ETFA: variants seen among roughly 807,000 people sequenced by gnomAD.
The protein encoded by ETFA is electron transfer flavoprotein subunit alpha.
In ETFA, 22 loss-of-function variants were observed where a neutral mutation model predicts 46.2. The observed-to-expected ratio is 0.48, with a 90% CI of 0.34 to 0.68. ETFA has a LOEUF of 0.68. ETFA is among the 30% of genes least tolerant of loss of function. ETFA has a pLI of 0.01. For synonymous variants in ETFA, 131 were observed against 139.9 expected (o/e 0.94, Z 0.45); for missense variants, 345 against 401.1 (o/e 0.86, Z 1.19).
intron 9 of ETFA, among the ~76,000 whole-genome samples, chr15:76,241,194 AG>A (rs2039182903): frequency 6.6e-6 from 1 of 152,136 alleles, no homozygotes; most frequent in East Asian, 1.9e-4. Context: ...GCATTTTAGC[AG>A]GTCAAATAAA....
chr15:76,217,119 A>T (rs1177699648), intron 11 of ETFA, among the ~76,000 whole-genome samples: 2 of 152,004 alleles, frequency 1.3e-5, no homozygotes, highest in Admixed American at 1.3e-4. Context: ...ACACACTGCT[A>T]CCTTTTGGCT....
At chr15:76,226,883 A>G (rs1420944120) in intron 10 of ETFA, among the ~76,000 whole-genome samples, 1 of 152,156 alleles carries the variant, frequency 6.6e-6, no homozygotes, top group Non-Finnish European at 1.5e-5. Context: ...CGTCTCAAAA[A>G]TAAATAAATA....
At position 76,287,837 on chromosome 15, in the gene ETFA, A is replaced by G. The variant is rs2039717079; in HGVS notation, c.451+9T>C. ...ACATGTTGATTAATTATCTTCCTTG[A>G]GTACTCACCTGCATAAATAGTTCTC... is the stretch of plus-strand genomic sequence containing the variant. On this transcript the variant is annotated intron_variant, in intron 5 of 11. Transcript: ENST00000557943. 4 of 1,537,072 alleles carry G rather than the reference A, an allele frequency of 2.6e-6. No individual in the cohort carries two copies. The highest frequency in any genetic ancestry group is 3.6e-6 in the Non-Finnish European group (4 of 1,109,736).
intron 9 of ETFA, among the ~76,000 whole-genome samples, chr15:76,236,347 A>C (rs1241471050): frequency 6.6e-6 from 1 of 152,218 alleles, no homozygotes; most frequent in Non-Finnish European, 1.5e-5. Flanking sequence ...AAACAGGTAA[A>C]ATTAATTTTT....
intron 5 of ETFA, 53 bp from the exon 6 acceptor site, chr15:76,286,534 G>T: frequency 9.3e-7 from 1 of 1,075,620 alleles, no homozygotes; most frequent in Non-Finnish European, 1.4e-6. Context: ...AACAAAACTA[G>T]CACTCCTTTG....
At chr15:76,292,724 A>T (rs763223358) in intron 2 of ETFA, 24 bp from the exon 3 acceptor site, 24 of 1,483,848 alleles carry the variant, frequency 1.6e-5, no homozygotes, top group Non-Finnish European at 2.1e-5. Flanking sequence ...ATAAGTTCCT[A>T]ATTATCCATC....
Position 76,311,446 on chromosome 15 carries a change from C to A in ETFA, c.-58G>T. On this transcript the variant is annotated 5_prime_UTR_variant, in exon 1 of 12. Transcript: ENST00000557943. ...AGCAGCCCCGTGCCCGGCCAACTGGCGCCGCCTCAGCCAGTCACCTAATGC... is the reference window on the plus strand; with the variant it reads ...AGCAGCCCCGTGCCCGGCCAACTGGAGCCGCCTCAGCCAGTCACCTAATGC... 1 of 1,539,946 alleles carries A rather than the reference C, an allele frequency of 6.5e-7. No homozygotes were observed. The highest frequency in any genetic ancestry group is 1.2e-5 in the South Asian group (1 of 83,966).
At chr15:76,232,285 G>C (rs1205171589) in intron 9 of ETFA, among the ~76,000 whole-genome samples, 1 of 152,172 alleles carries the variant, frequency 6.6e-6, no homozygotes, top group Admixed American at 6.5e-5. Context: ...ACTTTAATAA[G>C]TGCTTAATTA....
rs181409314 is a variant in ETFA, at chr15:76,308,312, C to A, written c.39+3038G>T. 8.5e-5 allele frequency among the ~76,000 whole-genome samples: 13 copies of A among 152,184 alleles called. No individual in the cohort carries two copies. In the East Asian group the frequency reaches 2.3e-3, roughly 27 times the overall value. ...GGACAGTCACATAGTCTCAATGAAT[C>A]GCCTCACAAATTAGTTAAAAATTAC... On this transcript the variant is annotated intron_variant, in intron 1 of 11. Transcript: ENST00000557943.
In ETFA at chr15:76,216,977, C is replaced by A. The variant is rs775008880; in HGVS notation, c.964-380G>T. ...CCTCCCACCTCAGCCTCCCAAGTAGCCACCAACCTGTCTAATTCTTGTAGA... is the reference window on the plus strand; with the variant it reads ...CCTCCCACCTCAGCCTCCCAAGTAGACACCAACCTGTCTAATTCTTGTAGA... On this transcript the variant is annotated intron_variant, in intron 11 of 11. Coordinates refer to ENST00000557943, the MANE Select transcript of ETFA (RefSeq NM_000126.4). Among the ~76,000 whole-genome samples the A allele has an allele frequency of 2.0e-5, 3 of 150,774 alleles. No individual in the cohort carries two copies. In the Admixed American group the frequency reaches 2.0e-4, roughly 10 times the overall value.
At chr15:76,231,619 T>C (rs938802822) in intron 9 of ETFA, among the ~76,000 whole-genome samples, 1 of 152,200 alleles carries the variant, frequency 6.6e-6, no homozygotes, top group Admixed American at 6.5e-5. Context: ...AATAAATATG[T>C]GGATAATGAG....
intron 4 of ETFA, among the ~76,000 whole-genome samples, chr15:76,291,919 A>G (rs1457798837): frequency 4.6e-5 from 7 of 152,122 alleles, no homozygotes; most frequent in Admixed American, 4.6e-4. Flanking sequence ...TTTTAACTTT[A>G]TGTAGACTGC....
At chr15:76,243,437 A>G (rs2039211861) in intron 9 of ETFA, among the ~76,000 whole-genome samples, 1 of 137,738 alleles carries the variant, frequency 7.3e-6, no homozygotes, top group Non-Finnish European at 1.6e-5. Flanking sequence ...AATTATTTAC[A>G]TTAAAAATAA....
At chr15:76,294,445 A>C (rs2039798506) in intron 2 of ETFA, among the ~76,000 whole-genome samples, 2 of 152,218 alleles carry the variant, frequency 1.3e-5, no homozygotes, top group South Asian at 4.1e-4. Context: ...ATAACTAATC[A>C]TAAACCCACC....
intron 4 of ETFA, among the ~76,000 whole-genome samples, chr15:76,288,914 C>CTTT (rs1459392805): frequency 3.1e-5 from 2 of 65,200 alleles, no homozygotes; most frequent in African/African-American, 1.1e-4. Context: ...TCTTCTTCTT[C>CTTT]TTCTTCTTTT....
At chr15:76,295,959 T>TTTTTTG (rs869232507) in intron 1 of ETFA, among the ~76,000 whole-genome samples, 1 of 101,994 alleles carries the variant, frequency 9.8e-6, no homozygotes, top group African/African-American at 3.5e-5. Flanking sequence ...TTTTTTTTTT[T>TTTTTTG]GAGATGGAGT....
chr15:76,269,344 G>A (rs952172717), intron 9 of ETFA, among the ~76,000 whole-genome samples: 6 of 152,138 alleles, frequency 3.9e-5, no homozygotes, highest in Non-Finnish European at 5.9e-5. Context: ...AATACCTAGT[G>A]GCCTTTGGAA....
At chr15:76,238,944 T>C (rs768444799) in intron 9 of ETFA, among the ~76,000 whole-genome samples, 35 of 152,218 alleles carry the variant, frequency 2.3e-4, no homozygotes, top group Non-Finnish European at 4.4e-4. Flanking sequence ...GGGAAGATTT[T>C]ACCCATACTC....
chr15:76,245,718 G>C (rs1434929976), intron 9 of ETFA, among the ~76,000 whole-genome samples: 1 of 152,250 alleles, frequency 6.6e-6, no homozygotes, highest in South Asian at 2.1e-4. Context: ...TGCACTAAGC[G>C]TAAGAACACA....
Sources: gnomAD v4.1 joint callset for allele counts (sites outside exome capture counted in the v4.1 genomes callset) on GRCh38, gnomAD v4.1.1 for gene constraint, MANE v1.5 for transcripts, NCBI Gene and HGNC (gene_info 2026-07-23, HGNC 2026-07-21) for gene names.